The following DYRK1A variants were observed in gnomAD, a reference collection of about 807,000 sequenced individuals.
The protein encoded by DYRK1A is dual specificity tyrosine phosphorylation regulated kinase 1A.
DYRK1A carries 9 observed loss-of-function variants against 79.7 expected under a neutral mutation model. The ratio of observed to expected loss-of-function variants is 0.11; its 90% CI spans 0.07 to 0.20. The LOEUF (loss-of-function observed/expected upper bound fraction) is 0.20. Among genes scored for constraint, DYRK1A ranks in the 10% least tolerant of loss-of-function variants. DYRK1A has a pLI of 1.00. For synonymous variants in DYRK1A, 349 were observed against 329.7 expected (o/e 1.06, Z -0.63); for missense variants, 622 against 956.0 (o/e 0.65, Z 4.61).
At chr21:37,374,675 C>G (rs1322663814) in intron 1 of DYRK1A, among the ~76,000 whole-genome samples, 6 of 152,082 alleles carry the variant, frequency 3.9e-5, no homozygotes, top group African/African-American at 1.4e-4. Flanking sequence ...GCCTCAGCCT[C>G]CCAAGTAGCT....
rs2052880937 is a variant in DYRK1A at position 37,486,674 on chromosome 21, G to A, written c.637+60G>A. The A allele has an allele frequency of 3.7e-6, 5 of 1,349,114 alleles. No homozygotes were observed. In the African/African-American group the frequency reaches 7.6e-5, roughly 20 times the overall value. 83.6% of individuals were successfully genotyped at this position (1,349,114 alleles called of 1,614,324 possible). A position where few individuals can be genotyped will look rare whatever the true frequency, so the allele number is the denominator to read the frequency against. ...ACCCACACCAAAACTTTGAGTTAAT[G>A]GTTCTTTTCTATCAAAATATTTTGA... On this transcript the variant is annotated intron_variant, in intron 6 of 11. Transcript: ENST00000647188.
At chr21:37,482,054 A>G (rs1377753732) in intron 5 of DYRK1A, among the ~76,000 whole-genome samples, 1 of 152,186 alleles carries the variant, frequency 6.6e-6, no homozygotes, top group Non-Finnish European at 1.5e-5. Flanking sequence ...GATGATGAGG[A>G]TAGAATGGGA....
intron 1 of DYRK1A, among the ~76,000 whole-genome samples, chr21:37,381,343 G>A (rs146812390): frequency 3.2e-4 from 48 of 152,260 alleles, no homozygotes; most frequent in Admixed American, 1.1e-3. Flanking sequence ...AAAATTATTC[G>A]TGGAATAATT....
chr21:37,405,345 C>T (rs979097335), intron 1 of DYRK1A, among the ~76,000 whole-genome samples: 1 of 152,206 alleles, frequency 6.6e-6, no homozygotes, highest in African/African-American at 2.4e-5. Flanking sequence ...TAGTCTCCTG[C>T]ATCCTTTTCC....
intron 1 of DYRK1A, among the ~76,000 whole-genome samples, chr21:37,387,531 G>C (rs977240360): frequency 2.0e-5 from 3 of 152,014 alleles, no homozygotes; most frequent in African/African-American, 7.2e-5. Context: ...AGTTGTTTTT[G>C]TTCCCTCTTA....
chr21:37,505,523 T>A lies in DYRK1A; in HGVS notation c.1453T>A (p.Ser485Thr), dbSNP rs773667681. Residue 485 changes from serine (S) to threonine (T), a missense_variant, in exon 10 of 12, where the codon TCT becomes ACT. Ser to Thr is a moderately conservative substitution (Grantham distance 58, BLOSUM62 1). Transcript: ENST00000647188. ...AGGTACAAATACAAGTAATAGTGTA[T>A]CTACAAGCCCCGCCATGGAGCAGTC... The part of the protein sequence containing the change: ...DEGTNTSNSV[S>T]TSPAMEQSQS... The A allele has an allele frequency of 1.2e-6, 2 of 1,612,954 alleles. No individual in the cohort carries two copies. The highest frequency in any genetic ancestry group is 2.2e-5 in the South Asian group (2 of 91,088).
chr21:37,368,143 G>T (rs983151400), intron 1 of DYRK1A: 1 of 152,910 alleles, frequency 6.5e-6, no homozygotes, highest in Non-Finnish European at 1.5e-5. Flanking sequence ...GTCGGGAGCC[G>T]CTGCCTCGGC....
chr21:37,481,042 C>A, intron 5 of DYRK1A: 1 of 450,556 alleles, frequency 2.2e-6, no homozygotes, highest in African/African-American at 2.0e-5. Flanking sequence ...TTATGGCTAC[C>A]AAGTGCTCAT....
chr21:37,507,092 C>T (rs1190106745), intron 11 of DYRK1A, among the ~76,000 whole-genome samples: 1 of 152,190 alleles, frequency 6.6e-6, no homozygotes, highest in Non-Finnish European at 1.5e-5. Flanking sequence ...TCTGTTCTTA[C>T]CCACTCTTTG....
At chr21:37,371,711 A>G (rs2049434046) in intron 1 of DYRK1A, among the ~76,000 whole-genome samples, 1 of 152,190 alleles carries the variant, frequency 6.6e-6, no homozygotes, top group Non-Finnish European at 1.5e-5. Flanking sequence ...GTAATAGCTT[A>G]AAATGTGTCT....
intron 2 of DYRK1A, among the ~76,000 whole-genome samples, chr21:37,447,703 TAGAAA>T (rs748646863): frequency 6.6e-6 from 1 of 152,142 alleles, no homozygotes; most frequent in Non-Finnish European, 1.5e-5. Context: ...GCTGCAGACT[TAGAAA>T]AGAAGGCTTG....
chr21:37,403,092 C>CT, intron 1 of DYRK1A, among the ~76,000 whole-genome samples: 1 of 152,026 alleles, frequency 6.6e-6, no homozygotes, highest in Non-Finnish European at 1.5e-5. Flanking sequence ...ATTGATCTGT[C>CT]TTCCAAGTTT....
At chr21:37,489,022 G>A (rs945653856) in intron 6 of DYRK1A, among the ~76,000 whole-genome samples, 22 of 152,128 alleles carry the variant, frequency 1.4e-4, no homozygotes, top group African/African-American at 5.1e-4. Flanking sequence ...TTTTTATTGT[G>A]TTACTTATTC....
intron 2 of DYRK1A, among the ~76,000 whole-genome samples, chr21:37,453,542 G>A (rs928462987): frequency 6.6e-6 from 1 of 152,206 alleles, no homozygotes; most frequent in African/African-American, 2.4e-5. Flanking sequence ...GTCAGCACGT[G>A]ACTGATGGAG....
In DYRK1A at chr21:37,472,745, T is replaced by C; in HGVS notation, c.72T>C (p.His24=). 6.2e-7 allele frequency: 1 copy of C among 1,612,434 alleles called. No individual in the cohort carries two copies. Among genetic ancestry groups the C allele is most frequent in the Non-Finnish European group, 8.5e-7 (1 of 1,178,756 alleles). The change falls in exon 3 of 12, where the codon CAT becomes CAC. Residue 24 remains histidine, a synonymous_variant. Coordinates refer to ENST00000647188, the MANE Select transcript of DYRK1A (RefSeq NM_001347721.2). ...SVRLAPSFSF[H]AAGLQMAGQM... Reference sequence around the variant, plus strand: ...GGCTTGCACCGTCATTTTCATTCCATGCTGCTGGCCTTCAGATGGCTGGAC... The same window carrying C: ...GGCTTGCACCGTCATTTTCATTCCACGCTGCTGGCCTTCAGATGGCTGGAC...
rs541020851 is a variant in DYRK1A at position 37,494,897 on chromosome 21, G to A, written c.1072-1221G>A. ...CAGGAGGCAGAGCTTGCAGTGAGCC[G>A]AGATCACGCCACTGCCCTCTAGCTT... is the stretch of plus-strand genomic sequence containing the variant. On this transcript the variant is annotated intron_variant, in intron 8 of 11. Transcript: ENST00000647188. Among the ~76,000 whole-genome samples, 5 of 150,872 alleles carry A rather than the reference G, an allele frequency of 3.3e-5. No individual in the cohort carries two copies. In the East Asian group the frequency reaches 9.8e-4, roughly 30 times the overall value.
At chr21:37,374,572 A>G (rs539281609) in intron 1 of DYRK1A, among the ~76,000 whole-genome samples, 21 of 151,340 alleles carry the variant, frequency 1.4e-4, no homozygotes, top group African/African-American at 5.1e-4. Context: ...TTTTTTTTTG[A>G]GACAGAGTCT....
In DYRK1A at chr21:37,506,188, G is replaced by A. The variant is rs762519059; in HGVS notation, c.1609G>A (p.Val537Met). Reference protein sequence around the residue: ...RHSGGHFTAAVQAMDCETHSP... With the variant: ...RHSGGHFTAAMQAMDCETHSP... ...CAGTGGTGGGCACTTCACAGCTGCC[G>A]TGCAGGCCATGGACTGCGAGACACA... is the stretch of plus-strand genomic sequence containing the variant. The change falls in exon 11 of 12, where the codon GTG (valine) becomes ATG (methionine). Residue 537 changes from valine (V) to methionine (M), a missense_variant. Transcript: ENST00000647188. 1.3e-5 allele frequency: 21 copies of A among 1,614,024 alleles called. No individual in the cohort carries two copies. Among genetic ancestry groups the A allele is most frequent in the Admixed American group, 3.3e-5 (2 of 60,010 alleles).
intron 6 of DYRK1A, among the ~76,000 whole-genome samples, chr21:37,489,965 A>G (rs1222321652): frequency 1.3e-5 from 2 of 152,174 alleles, no homozygotes; most frequent in Non-Finnish European, 2.9e-5. Flanking sequence ...ACTTACCGAC[A>G]TATGCTGTAC....
Sources: allele counts gnomAD v4.1 joint callset (sites outside exome capture counted in the v4.1 genomes callset), GRCh38; gene constraint gnomAD v4.1.1; transcripts MANE v1.5; gene names NCBI Gene and HGNC (gene_info 2026-07-23, HGNC 2026-07-21).